The following DOCK1 variants were observed in gnomAD, a reference collection of about 807,000 sequenced individuals.
DOCK1 encodes the protein dedicator of cytokinesis protein 1.
DOCK1 carries 138 observed loss-of-function variants against 262.7 expected under a neutral mutation model. The ratio of observed to expected loss-of-function variants is 0.53; its 90% CI spans 0.46 to 0.61. The LOEUF (loss-of-function observed/expected upper bound fraction) is 0.61. Ranked by LOEUF, DOCK1 falls within the 20% of genes least tolerant of loss-of-function variation. The pLI, the probability that DOCK1 is intolerant of heterozygous loss-of-function variation, is 0.00. For missense variants in DOCK1, 1,908 were observed against 2,370.7 expected, an observed-to-expected ratio of 0.80 and a Z score of 4.05; for synonymous variants, 866 against 867.4, an observed-to-expected ratio of 1.00 and a Z score of 0.03.
At chr10:126,992,753 C>A (rs1353029683) in intron 6 of DOCK1, among the ~76,000 whole-genome samples, 1 of 144,620 alleles carries the variant, frequency 6.9e-6, no homozygotes, top group Non-Finnish European at 1.5e-5. Flanking sequence ...CACACACACA[C>A]ACACACACAC....
chr10:127,203,961 G>GT (rs1433470402), intron 27 of DOCK1, among the ~76,000 whole-genome samples: 5 of 149,928 alleles, frequency 3.3e-5, no homozygotes, highest in African/African-American at 7.4e-5. Context: ...GTTGCTTAAT[G>GT]TTTTTTTCTC....
intron 29 of DOCK1, among the ~76,000 whole-genome samples, chr10:127,287,673 G>T (rs1034589889): frequency 7.9e-5 from 12 of 152,172 alleles, no homozygotes; most frequent in African/African-American, 2.9e-4. Flanking sequence ...TTGTTTGTAT[G>T]TTTGTTGTTG....
intron 29 of DOCK1, among the ~76,000 whole-genome samples, chr10:127,297,725 C>T (rs549731923): frequency 1.2e-4 from 18 of 152,186 alleles, no homozygotes; most frequent in Admixed American, 2.6e-4. Flanking sequence ...AAACATAAAC[C>T]AAACCCTCAT....
intron 29 of DOCK1, among the ~76,000 whole-genome samples, chr10:127,307,634 G>A (rs1427560806): frequency 6.6e-6 from 1 of 152,216 alleles, no homozygotes; most frequent in Non-Finnish European, 1.5e-5. Flanking sequence ...TTCCAGTCCT[G>A]CCCTGGGTGG....
rs893233506 is a variant in DOCK1 at position 127,404,574 on chromosome 10, G to A, written c.4122+145G>A. ...GCCATAGCTCGGTGGTTAGCCCGGG[G>A]GGCAGAGAGGGGTTGACAGGATTTT... On this transcript the variant is annotated intron_variant, in intron 40 of 51. Coordinates refer to ENST00000623213, the MANE Select transcript of DOCK1 (RefSeq NM_001290223.2). 29 of 690,210 alleles carry A rather than the reference G, an allele frequency of 4.2e-5. No homozygotes were observed. In the African/African-American group the frequency reaches 5.0e-4, roughly 12 times the overall value. The allele number at this position is 690,210 out of a possible 1,614,324, so 42.8% of individuals were successfully genotyped here.
intron 27 of DOCK1, among the ~76,000 whole-genome samples, chr10:127,245,751 C>T (rs993267548): frequency 6.6e-5 from 10 of 152,218 alleles, no homozygotes; most frequent in African/African-American, 1.9e-4. Flanking sequence ...CTCATACCCT[C>T]AGCATTTTGA....
At position 127,366,833 on chromosome 10, in the gene DOCK1, C is replaced by T. The variant is rs1157576652; in HGVS notation, c.3432+4621C>T. Among the ~76,000 whole-genome samples, 5 of 152,206 alleles carry T rather than the reference C, an allele frequency of 3.3e-5. No individual in the cohort carries two copies. The East Asian group carries it at 9.7e-4, about 29-fold the overall frequency. On this transcript the variant is annotated intron_variant, in intron 33 of 51. Transcript: ENST00000623213. Reference sequence around the variant, plus strand: ...TACCTCACCTTATTAGTCACGTCAGCAGGGGCTTAAGTTTTTTTTATAGCT... The same window carrying T: ...TACCTCACCTTATTAGTCACGTCAGTAGGGGCTTAAGTTTTTTTTATAGCT...
At chr10:127,397,697 C>T (rs1157092667) in intron 38 of DOCK1, among the ~76,000 whole-genome samples, 1 of 151,900 alleles carries the variant, frequency 6.6e-6, no homozygotes, top group East Asian at 1.9e-4. Flanking sequence ...GGTAGTAGCT[C>T]CTCTATGACC....
rs1410338574 is a variant in DOCK1 at position 127,439,130 on chromosome 10, A to G, written c.5164A>G (p.Lys1722Glu). The G allele has an allele frequency of 6.2e-7, 1 of 1,600,448 alleles. No homozygotes were observed. Among genetic ancestry groups the G allele is most frequent in the Admixed American group, 1.7e-5 (1 of 58,144 alleles). The change falls in exon 49 of 52, where the codon AAA becomes GAA. Residue 1722 changes from lysine (K) to glutamate (E), a missense_variant. Transcript: ENST00000623213. The part of the protein sequence containing the change: ...EKEKKDKKKE[K>E]RNSKHQEIFE... ...GGAGAAGAAGGACAAGAAGAAGGAA[A>G]AAAGGAACAGCAAACATCAAGAGAT...
At chr10:127,103,663 C>T (rs180801793) in intron 23 of DOCK1, among the ~76,000 whole-genome samples, 2 of 152,260 alleles carry the variant, frequency 1.3e-5, no homozygotes, top group South Asian at 2.1e-4. Flanking sequence ...TCTAGTGCTG[C>T]GTGACTTTGG....
At chr10:127,124,949 TAAAAATAAA>T (rs1363517831) in intron 25 of DOCK1, among the ~76,000 whole-genome samples, 2 of 151,532 alleles carry the variant, frequency 1.3e-5, no homozygotes, top group Non-Finnish European at 2.9e-5. Flanking sequence ...CCATGTCTAC[TAAAAATAAA>T]AAAAAAAAAT....
At chr10:127,102,120 T>C (rs2048289222) in intron 23 of DOCK1, among the ~76,000 whole-genome samples, 1 of 151,988 alleles carries the variant, frequency 6.6e-6, no homozygotes, top group South Asian at 2.1e-4. Context: ...GGAGTGGAGA[T>C]TTATGGGGCT....
intron 51 of DOCK1, 101 bp from the exon 52 acceptor site, chr10:127,451,231 C>G: frequency 1.5e-6 from 2 of 1,332,256 alleles, no homozygotes. Flanking sequence ...GAGGATGGTT[C>G]CGGCTGAGTG....
At chr10:126,921,220 G>T (rs1411555626) in intron 1 of DOCK1, among the ~76,000 whole-genome samples, 2 of 133,532 alleles carry the variant, frequency 1.5e-5, no homozygotes, top group Admixed American at 7.7e-5. Context: ...AAAAAAAAAA[G>T]TTCAAACAAG....
intron 11 of DOCK1, among the ~76,000 whole-genome samples, chr10:127,011,263 G>T (rs899130328): frequency 6.6e-6 from 1 of 152,118 alleles, no homozygotes; most frequent in Admixed American, 6.5e-5. Context: ...GGGAAATGTC[G>T]TGCTAATGAA....
intron 29 of DOCK1, among the ~76,000 whole-genome samples, chr10:127,321,720 C>A (rs562850135): frequency 7.0e-6 from 1 of 142,122 alleles, no homozygotes; most frequent in Non-Finnish European, 1.5e-5. Context: ...AACCCCTCCC[C>A]CCGCCGCCCC....
chr10:127,106,182 C>T (rs765308842), intron 23 of DOCK1, 49 bp from the exon 24 acceptor site: 2 of 1,540,800 alleles, frequency 1.3e-6, no homozygotes. Context: ...TTGGTATGAA[C>T]ACTCCCTAAC....
At chr10:127,385,469 C>A (rs1360445831) in intron 38 of DOCK1, among the ~76,000 whole-genome samples, 1 of 150,822 alleles carries the variant, frequency 6.6e-6, no homozygotes, top group Admixed American at 6.6e-5. Context: ...GTTTTTAAAA[C>A]CTGCCACCGA....
rs375200942 is a variant in DOCK1, at chr10:127,010,356, A to G, written c.1058+1552A>G. 1.4e-4 allele frequency among the ~76,000 whole-genome samples: 22 copies of G among 152,272 alleles called. No homozygotes were observed. The South Asian group carries it at 4.4e-3, about 30-fold the overall frequency. ...GCGGCAGGTGCCTGTAATCCCAGCT[A>G]CTTGGGAGGCTGAGGCAGGAGAATC... On this transcript the variant is annotated intron_variant, in intron 11 of 51. Coordinates refer to ENST00000623213, the MANE Select transcript of DOCK1 (RefSeq NM_001290223.2).
Sources: gnomAD v4.1 joint callset for allele counts (sites outside exome capture counted in the v4.1 genomes callset) on GRCh38, gnomAD v4.1.1 for gene constraint, MANE v1.5 for transcripts, NCBI Gene and HGNC (gene_info 2026-07-23, HGNC 2026-07-21) for gene names.